AGPAT4: variants seen among roughly 807,000 people sequenced by gnomAD.
AGPAT4 encodes 1-acylglycerol-3-phosphate O-acyltransferase 4.
A neutral mutation model predicts 48.0 loss-of-function variants in AGPAT4; 15 were observed. That is an observed-to-expected ratio of 0.31 (90% CI 0.21 to 0.48). The LOEUF is 0.48. Ranked by LOEUF, AGPAT4 falls within the 20% of genes least tolerant of loss-of-function variation. The probability of loss-of-function intolerance (pLI) is 0.99; values close to 1 mark genes in which losing one functional copy is unlikely to be tolerated. For synonymous variants in AGPAT4, 178 were observed against 198.7 expected (o/e 0.90, Z 0.88); for missense variants, 314 against 482.5 (o/e 0.65, Z 3.27).
In AGPAT4 at chr6:161,232,100, G is replaced by A. The variant is rs964952768; in HGVS notation, c.114C>T (p.Leu38=). 12 of 1,614,046 alleles carry A rather than the reference G, an allele frequency of 7.4e-6. No individual in the cohort carries two copies. Among genetic ancestry groups the A allele is most frequent in the African/African-American group, 1.3e-5 (1 of 74,920 alleles). ...INTIQLFTLL[L]WPINKQLFRK... is the part of the protein sequence containing the mutation. ...GGAAGAGCTGCTTGTTAATGGGCCA[G>A]AGGAGGAGAGTGAAGAGCTGAATGG... The change falls in exon 2 of 9, where the codon CTC becomes CTT. Residue 38 remains leucine (L), a synonymous_variant. Transcript: ENST00000320285. This position sits in a 1 kb window ranked among gnomAD's most constrained non-coding sequence, Gnocchi z 6.8.
rs557290722 is a variant in AGPAT4, at chr6:161,133,302, G to A, written c.*3238C>T. The A allele has an allele frequency of 1.3e-5, 2 of 152,256 alleles. No individual in the cohort carries two copies. The highest frequency in any genetic ancestry group is 4.2e-4 in the South Asian group (2 of 4,812). 9.4% of individuals were successfully genotyped at this position (152,256 alleles called of 1,614,324 possible). A position where few individuals can be genotyped will look rare whatever the true frequency, so the allele number is the denominator to read the frequency against. The stretch of plus-strand genomic sequence containing the variant: ...ACATTTAAATCACTGTCCCACATAT[G>A]GATATATTAGAAAAACCCTAATGTT... On this transcript the variant is annotated 3_prime_UTR_variant, in exon 9 of 9. Transcript: ENST00000320285.
In AGPAT4 at chr6:161,158,862, C is replaced by T. The variant is rs970442752; in HGVS notation, c.349-4552G>A. On this transcript the variant is annotated intron_variant, in intron 3 of 8. Transcript: ENST00000320285. This position sits in a 1 kb window ranked among gnomAD's most constrained non-coding sequence, Gnocchi z 5.3. ...GCAGCAGGGTATCCTGCTCCTGCAC[C>T]GCCTCCACCCCCACTAACACCAGCA... 3.3e-5 allele frequency among the ~76,000 whole-genome samples: 5 copies of T among 152,142 alleles called. No individual in the cohort carries two copies. Among genetic ancestry groups the T allele is most frequent in the African/African-American group, 1.2e-4 (5 of 41,434 alleles).
At position 161,154,803 on chromosome 6, in the gene AGPAT4, G is replaced by A. The variant is rs373519855; in HGVS notation, c.349-493C>T. Among the ~76,000 whole-genome samples the A allele has an allele frequency of 6.6e-6, 1 of 152,350 alleles. No homozygotes were observed. The highest frequency in any genetic ancestry group is 1.9e-4 in the East Asian group (1 of 5,186). On this transcript the variant is annotated intron_variant, in intron 3 of 8. Coordinates refer to ENST00000320285, the MANE Select transcript of AGPAT4 (RefSeq NM_020133.3). This position sits in a 1 kb window ranked among gnomAD's most constrained non-coding sequence, Gnocchi z 7.8. ...AACGCTAGAAAATGTAGCATTCCTA[G>A]GTGTGAGGTTAACATCCTTCTTGAA...
Position 161,254,983 on chromosome 6 carries a change from C to T in AGPAT4, c.-90+18955G>A, listed in dbSNP as rs1446374522. 6.6e-6 allele frequency among the ~76,000 whole-genome samples: 1 copy of T among 152,180 alleles called. No homozygotes were observed. Among genetic ancestry groups the T allele is most frequent in the Non-Finnish European group, 1.5e-5 (1 of 68,030 alleles). ...AAAGCCTCAAACTGCAGAACACACC[C>T]GGCAAGCTGTTCTTATCGTTCCGAG... On this transcript the variant is annotated intron_variant, in intron 1 of 8. Transcript: ENST00000320285. This position sits in a 1 kb window ranked among gnomAD's most constrained non-coding sequence, Gnocchi z 5.9.
chr6:161,199,634 A>G (rs144411892), intron 2 of AGPAT4, among the ~76,000 whole-genome samples: 1 of 152,140 alleles, frequency 6.6e-6, no homozygotes, highest in Non-Finnish European at 1.5e-5. Context: ...GGGGCCGGTG[A>G]GAGGTGACTG....
rs1215041620 is a variant in AGPAT4, at chr6:161,180,085, T to C, written c.179-13668A>G. 6.6e-6 allele frequency among the ~76,000 whole-genome samples: 1 copy of C among 152,178 alleles called. No homozygotes were observed. Among genetic ancestry groups the C allele is most frequent in the Non-Finnish European group, 1.5e-5 (1 of 68,032 alleles). On this transcript the variant is annotated intron_variant, in intron 2 of 8. Transcript: ENST00000320285. The surrounding 1 kb of genome is among the most constrained non-coding windows in gnomAD (Gnocchi z 6.4). Reference sequence around the variant, plus strand: ...TTCTCAGCTCCTACTCCTCTCTAAGTAGTCAGTCACAAGACCTGGCTGCAT... The same window carrying C: ...TTCTCAGCTCCTACTCCTCTCTAAGCAGTCAGTCACAAGACCTGGCTGCAT...
rs1781256259 is a variant in AGPAT4, at chr6:161,202,228, TG to T, written c.178+29807del. Among the ~76,000 whole-genome samples, 1 of 152,130 alleles carries T rather than the reference TG, an allele frequency of 6.6e-6. No individual in the cohort carries two copies. Among genetic ancestry groups the T allele is most frequent in the Non-Finnish European group, 1.5e-5 (1 of 68,022 alleles). ...CTGACATGGCTGAGTGGTTCTGGCT[TG>T]GGGTCTCTGGGGATGTCGCAGTCAA... On this transcript the variant is annotated intron_variant, in intron 2 of 8. Coordinates refer to ENST00000320285, the MANE Select transcript of AGPAT4 (RefSeq NM_020133.3). This position sits in a 1 kb window ranked among gnomAD's most constrained non-coding sequence, Gnocchi z 5.4.
In AGPAT4 at chr6:161,154,692, A is replaced by G. The variant is rs142973018; in HGVS notation, c.349-382T>C. ...TAAGCCCACCGTGCAGCTGTGTGAC[A>G]CTAATTTGTGCACCTCTTTTCTGCA... On this transcript the variant is annotated intron_variant, in intron 3 of 8. Coordinates refer to ENST00000320285, the MANE Select transcript of AGPAT4 (RefSeq NM_020133.3). This position sits in a 1 kb window ranked among gnomAD's most constrained non-coding sequence, Gnocchi z 7.8. Among the ~76,000 whole-genome samples, 1 of 152,254 alleles carries G rather than the reference A, an allele frequency of 6.6e-6. No individual in the cohort carries two copies. Among genetic ancestry groups the G allele is most frequent in the Non-Finnish European group, 1.5e-5 (1 of 68,040 alleles).
At chr6:161,187,621 G>A (rs1340278743) in intron 2 of AGPAT4, among the ~76,000 whole-genome samples, 1 of 151,858 alleles carries the variant, frequency 6.6e-6, no homozygotes, top group Non-Finnish European at 1.5e-5. Flanking sequence ...TCAGCTCACC[G>A]CAACCTCTAC....
rs542041495 is a variant in AGPAT4 at position 161,234,248 on chromosome 6, C to T, written c.-89-1946G>A. Reference sequence around the variant, plus strand: ...GCACTTACTGGGACTATCCAGAAGGCAGGCTGCATTCCTGCAAGATTCCTA... The same window carrying T: ...GCACTTACTGGGACTATCCAGAAGGTAGGCTGCATTCCTGCAAGATTCCTA... On this transcript the variant is annotated intron_variant, in intron 1 of 8. Coordinates refer to ENST00000320285, the MANE Select transcript of AGPAT4 (RefSeq NM_020133.3). The surrounding 1 kb of genome is among the most constrained non-coding windows in gnomAD (Gnocchi z 4.4). Among the ~76,000 whole-genome samples, 146 of 152,282 alleles carry T rather than the reference C, an allele frequency of 9.6e-4. No individual in the cohort carries two copies. The highest frequency in any genetic ancestry group is 3.3e-3 in the African/African-American group (138 of 41,548).
chr6:161,202,740 A>G lies in AGPAT4; in HGVS notation c.178+29296T>C, dbSNP rs1434340423. 1.3e-5 allele frequency among the ~76,000 whole-genome samples: 2 copies of G among 152,100 alleles called. No individual in the cohort carries two copies. Among genetic ancestry groups the G allele is most frequent in the Non-Finnish European group, 2.9e-5 (2 of 68,022 alleles). ...CTACTAACTTGCTTGTAACCAGGAT[A>G]ATGTGGCAGAAAAAATGCATGACTC... On this transcript the variant is annotated intron_variant, in intron 2 of 8. Transcript: ENST00000320285. This position sits in a 1 kb window ranked among gnomAD's most constrained non-coding sequence, Gnocchi z 5.4.
Position 161,273,508 on chromosome 6 carries a change from C to T in AGPAT4, c.-90+430G>A, listed in dbSNP as rs528578298. On this transcript the variant is annotated intron_variant, in intron 1 of 8. Coordinates refer to ENST00000320285, the MANE Select transcript of AGPAT4 (RefSeq NM_020133.3). ...TTTGTGGTTGCCATAGAAACGTCAGCGACGGAAGAACATGTTGCATGACAC... is the reference window on the plus strand; with the variant it reads ...TTTGTGGTTGCCATAGAAACGTCAGTGACGGAAGAACATGTTGCATGACAC... Among the ~76,000 whole-genome samples the T allele has an allele frequency of 3.3e-5, 5 of 152,258 alleles. No individual in the cohort carries two copies. The South Asian group carries it at 1.0e-3, about 32-fold the overall frequency.
intron 2 of AGPAT4, among the ~76,000 whole-genome samples, chr6:161,207,847 G>T (rs1390570389): frequency 6.6e-6 from 1 of 152,022 alleles, no homozygotes; most frequent in Non-Finnish European, 1.5e-5. Context: ...GCAGGGGAGA[G>T]AGGGATTCTG....
intron 1 of AGPAT4, among the ~76,000 whole-genome samples, chr6:161,248,477 G>A (rs1782723354): frequency 6.6e-6 from 1 of 151,486 alleles, no homozygotes; most frequent in Non-Finnish European, 1.5e-5. Context: ...GTGAGGCTGA[G>A]GCAGGAGAAT....
intron 5 of AGPAT4, 56 bp downstream of exon 5, chr6:161,153,289 TG>T: frequency 6.4e-7 from 1 of 1,554,178 alleles, no homozygotes; most frequent in Non-Finnish European, 8.7e-7. Flanking sequence ...CATCCGGAGC[TG>T]GGGCTTGTCT....
Position 161,139,460 on chromosome 6 carries a change from G to A in AGPAT4, c.1004C>T (p.Ser335Phe). ...FLVSMIRSGS[S>F]LTLASFILVF... ...GAGGATGAAGCTGGCCAGCGTCAGG[G>A]AAGACCCGCTCCTGATCATGCTGAC... is the stretch of plus-strand genomic sequence containing the variant. Residue 335 changes from serine (S) to phenylalanine (F), a missense_variant, in exon 8 of 9, where the codon TCC (serine) becomes TTC (phenylalanine). Physicochemically the swap from Ser to Phe is radical, Grantham distance 155. Transcript: ENST00000320285. This position sits in a 1 kb window ranked among gnomAD's most constrained non-coding sequence, Gnocchi z 9.1. 6.2e-7 allele frequency: 1 copy of A among 1,614,124 alleles called. No individual in the cohort carries two copies. The highest frequency in any genetic ancestry group is 1.1e-5 in the South Asian group (1 of 91,082).
In AGPAT4 at chr6:161,204,601, T is replaced by C. The variant is rs905845143; in HGVS notation, c.178+27435A>G. Among the ~76,000 whole-genome samples, 15 of 152,090 alleles carry C rather than the reference T, an allele frequency of 9.9e-5. No homozygotes were observed. Among genetic ancestry groups the C allele is most frequent in the African/African-American group, 3.6e-4 (15 of 41,412 alleles). On this transcript the variant is annotated intron_variant, in intron 2 of 8. Coordinates refer to ENST00000320285, the MANE Select transcript of AGPAT4 (RefSeq NM_020133.3). This position sits in a 1 kb window ranked among gnomAD's most constrained non-coding sequence, Gnocchi z 4.4. ...TGATGAAGTTTAACTCTCCCAAATT[T>C]TACAAATGTTAATTAAATCTCAAAA... is the stretch of plus-strand genomic sequence containing the variant.
At chr6:161,173,724 T>C (rs1453171353) in intron 2 of AGPAT4, among the ~76,000 whole-genome samples, 1 of 152,150 alleles carries the variant, frequency 6.6e-6, no homozygotes, top group African/African-American at 2.4e-5. Context: ...CTTGCCCATG[T>C]CTATGTCCTG....
Position 161,225,745 on chromosome 6 carries a change from G to C in AGPAT4, c.178+6291C>G, listed in dbSNP as rs1321015405. On this transcript the variant is annotated intron_variant, in intron 2 of 8. Coordinates refer to ENST00000320285, the MANE Select transcript of AGPAT4 (RefSeq NM_020133.3). This position sits in a 1 kb window ranked among gnomAD's most constrained non-coding sequence, Gnocchi z 5.0. ...GCGTGGACACACTTCAGAAGTAAAAGGTACCCGCAGGTGACAGAGGAAAAA... is the reference window on the plus strand; with the variant it reads ...GCGTGGACACACTTCAGAAGTAAAACGTACCCGCAGGTGACAGAGGAAAAA... 6.6e-6 allele frequency among the ~76,000 whole-genome samples: 1 copy of C among 152,134 alleles called. No homozygotes were observed. Among genetic ancestry groups the C allele is most frequent in the Non-Finnish European group, 1.5e-5 (1 of 68,022 alleles).
Sources: allele counts gnomAD v4.1 joint callset (sites outside exome capture counted in the v4.1 genomes callset), GRCh38; gene constraint gnomAD v4.1.1; non-coding constraint Gnocchi (gnomAD v3.1); transcripts MANE v1.5; gene names NCBI Gene and HGNC (gene_info 2026-07-23, HGNC 2026-07-21).